CAMTA2: variants seen among roughly 807,000 people sequenced by gnomAD.
The protein encoded by CAMTA2 is calmodulin binding transcription activator 2.
Under a neutral mutation model 135.7 loss-of-function variants are expected in CAMTA2, and 56 were observed. The ratio of observed to expected loss-of-function variants is 0.41; its 90% CI spans 0.33 to 0.52. The LOEUF is 0.52. Ranked by LOEUF, CAMTA2 falls within the 20% of genes least tolerant of loss-of-function variation. The pLI is 0.16. For missense variants in CAMTA2, 1,358 were observed against 1,553.4 expected (o/e 0.87, Z 2.11); for synonymous variants, 591 against 604.6 (o/e 0.98, Z 0.33).
intron 15 of CAMTA2, 29 bp downstream of exon 15, chr17:4,972,738 CCT>C (rs748642752): frequency 5.6e-6 from 9 of 1,595,238 alleles, no homozygotes; most frequent in Admixed American, 1.7e-5. Flanking sequence ...TACCTACATC[CCT>C]CTCTCCAAAA....
At position 4,969,815 on chromosome 17, in the gene CAMTA2, A is replaced by G; in HGVS notation, c.3189+87T>C. 2 of 1,590,358 alleles carry G rather than the reference A, an allele frequency of 1.3e-6. No homozygotes were observed. The highest frequency in any genetic ancestry group is 1.7e-6 in the Non-Finnish European group (2 of 1,161,346). ...TTTACCCCATCCAAGGCCTGTCTGCACGACTACTCATCCTCCAAAAGCCCT... is the reference window on the plus strand; with the variant it reads ...TTTACCCCATCCAAGGCCTGTCTGCGCGACTACTCATCCTCCAAAAGCCCT... On this transcript the variant is annotated intron_variant, in intron 18 of 22. Transcript: ENST00000348066. The surrounding 1 kb of genome is among the most constrained non-coding windows in gnomAD (Gnocchi z 5.6).
Position 4,967,998 on chromosome 17 carries a change from G to A in CAMTA2, c.*758C>T. The A allele has an allele frequency of 1.7e-6, 1 of 586,180 alleles. No individual in the cohort carries two copies. Among genetic ancestry groups the A allele is most frequent in the Non-Finnish European group, 3.0e-6 (1 of 328,394 alleles). 36.3% of individuals were successfully genotyped at this position (586,180 alleles called of 1,614,324 possible). A position where few individuals can be genotyped will look rare whatever the true frequency, so the allele number is the denominator to read the frequency against. The stretch of plus-strand genomic sequence containing the variant: ...CGCAGACAGAGGCCGGAGGCTGGCT[G>A]GTGCAGCGATGTTTAATGGCAATTC... On this transcript the variant is annotated 3_prime_UTR_variant, in exon 23 of 23. Transcript: ENST00000348066.
Position 4,969,957 on chromosome 17 carries a change from T to C in CAMTA2, c.3134A>G (p.Gln1045Arg). 6.2e-7 allele frequency: 1 copy of C among 1,614,124 alleles called. No individual in the cohort carries two copies. Among genetic ancestry groups the C allele is most frequent in the Non-Finnish European group, 8.5e-7 (1 of 1,180,010 alleles). Reference sequence around the variant, plus strand: ...TCGGGCAGCCTCATACAGTTCCCGCTGCTCGTGATCTGATAGTGTCAGCAG... The same window carrying C: ...TCGGGCAGCCTCATACAGTTCCCGCCGCTCGTGATCTGATAGTGTCAGCAG... The part of the protein sequence containing the change: ...FALLTLSDHE[Q>R]RELYEAARVI... The change falls in exon 18 of 23, where the codon CAG becomes CGG. Residue 1045 changes from glutamine (Q) to arginine (R), a missense_variant. Physicochemically the swap from Gln to Arg is conservative, Grantham distance 43. Coordinates refer to ENST00000348066, the MANE Select transcript of CAMTA2 (RefSeq NM_015099.4). The surrounding 1 kb of genome is among the most constrained non-coding windows in gnomAD (Gnocchi z 5.6).
chr17:4,968,109 C>T lies in CAMTA2; in HGVS notation c.*647G>A, dbSNP rs1343598172. 3.2e-5 allele frequency: 15 copies of T among 467,718 alleles called. No individual in the cohort carries two copies. Among genetic ancestry groups the T allele is most frequent in the Non-Finnish European group, 5.8e-5 (15 of 258,688 alleles). The allele number at this position is 467,718 out of a possible 1,614,324, so 29.0% of individuals were successfully genotyped here. On this transcript the variant is annotated 3_prime_UTR_variant, in exon 23 of 23. Coordinates refer to ENST00000348066, the MANE Select transcript of CAMTA2 (RefSeq NM_015099.4). ...CGCGCTAGAGAACCACAAGCCCGGC[C>T]GTGCAGCCCTCCCCGCGGCGCCTTA...
intron 2 of CAMTA2, 85 bp from the exon 3 acceptor site, chr17:4,986,068 C>A: frequency 8.5e-7 from 1 of 1,170,012 alleles, no homozygotes; most frequent in East Asian, 2.3e-5. Flanking sequence ...GAAGGCAATA[C>A]AGAGCACTGG....
chr17:4,978,324 C>T (rs1972743741), intron 10 of CAMTA2, among the ~76,000 whole-genome samples, 180 bp downstream of exon 10: 1 of 152,222 alleles, frequency 6.6e-6, no homozygotes, highest in Admixed American at 6.5e-5. Flanking sequence ...CTTCTGACAC[C>T]TAAGTCTGGG....
At position 4,968,893 on chromosome 17, in the gene CAMTA2, G is replaced by A. The variant is rs1361062755; in HGVS notation, c.3545+14C>T. ...GTGGCAACGCAAAAGCCCAGGGGGA[G>A]AAGGGATGAGTACCTGTGTCGGCAG... On this transcript the variant is annotated intron_variant, in intron 22 of 22. Transcript: ENST00000348066. The A allele has an allele frequency of 1.2e-6, 2 of 1,613,988 alleles. No homozygotes were observed. The highest frequency in any genetic ancestry group is 8.5e-7 in the Non-Finnish European group (1 of 1,179,838).
At chr17:4,976,335 T>C (rs539137403) in intron 11 of CAMTA2, among the ~76,000 whole-genome samples, 3 of 152,312 alleles carry the variant, frequency 2.0e-5, no homozygotes, top group African/African-American at 7.2e-5. Context: ...TTTGTGCTTT[T>C]GTGTAATTTC....
chr17:4,975,116 TC>T (rs1409029745), intron 11 of CAMTA2, among the ~76,000 whole-genome samples: 1 of 151,012 alleles, frequency 6.6e-6, no homozygotes, highest in South Asian at 2.1e-4. Context: ...TACACACATA[TC>T]CCCCCAAGCT....
rs1331428943 is a variant in CAMTA2, at chr17:4,972,322, G to C, written c.2718C>G (p.Pro906=). The C allele has an allele frequency of 6.2e-7, 1 of 1,613,826 alleles. No homozygotes were observed. Among genetic ancestry groups the C allele is most frequent in the Non-Finnish European group, 8.5e-7 (1 of 1,179,840 alleles). ...MDYEATNSKG[P]LSSLPALPPA... ...GTGGGAGGGCAGGAAGGGAGGAGAG[G>C]GGCCCCTTGGAGTTGGTAGCCTCAT... The change falls in exon 16 of 23, where the codon CCC becomes CCG. Residue 906 remains proline (P), a synonymous_variant. Transcript: ENST00000348066.
Position 4,968,986 on chromosome 17 carries a change from TGAAA to T in CAMTA2, c.3471-9_3471-6del. The T allele has an allele frequency of 6.2e-7, 1 of 1,613,560 alleles. No homozygotes were observed. The highest frequency in any genetic ancestry group is 8.5e-7 in the Non-Finnish European group (1 of 1,179,848). Reference sequence around the variant, plus strand: ...TTCTTGGTGAGAAAGGAGCCTCTGGTGAAAGAAACAAAAGATGGACCTCACAGAA... The same window carrying T: ...TTCTTGGTGAGAAAGGAGCCTCTGGTGAAACAAAAGATGGACCTCACAGAA... On this transcript the variant is annotated splice_polypyrimidine_tract_variant and splice_region_variant and intron_variant, in intron 21 of 22. Coordinates refer to ENST00000348066, the MANE Select transcript of CAMTA2 (RefSeq NM_015099.4).
At chr17:4,981,915 A>C (rs1597771293) in intron 6 of CAMTA2, 84 bp from the exon 7 acceptor site, 1 of 1,400,568 alleles carries the variant, frequency 7.1e-7, no homozygotes, top group Non-Finnish European at 9.7e-7. Flanking sequence ...CTTCCTGGGC[A>C]CCCTCCTAAC....
chr17:4,983,942 A>ATTAT (rs939769346), intron 3 of CAMTA2, among the ~76,000 whole-genome samples: 5 of 149,822 alleles, frequency 3.3e-5, no homozygotes, highest in African/African-American at 4.9e-5. Flanking sequence ...GGAATTTCAG[A>ATTAT]TTATTTATTT....
intron 3 of CAMTA2, chr17:4,983,671 C>T (rs1025058133): frequency 6.6e-6 from 1 of 151,912 alleles, no homozygotes; most frequent in Admixed American, 6.6e-5. Flanking sequence ...GCAACCTCCG[C>T]CCCCCAGGAT....
intron 11 of CAMTA2, among the ~76,000 whole-genome samples, chr17:4,974,895 G>A (rs1972523259): frequency 6.6e-6 from 1 of 152,146 alleles, no homozygotes; most frequent in South Asian, 2.1e-4. Context: ...CCATGGTGAA[G>A]GTGAAGGATT....
intron 11 of CAMTA2, among the ~76,000 whole-genome samples, chr17:4,975,172 C>T: frequency 6.6e-6 from 1 of 152,074 alleles, no homozygotes; most frequent in Non-Finnish European, 1.5e-5. Context: ...GAAGGGGAGG[C>T]AGGAGGGGAT....
chr17:4,982,283 C>T (rs1255154560), intron 5 of CAMTA2, 123 bp from the exon 6 acceptor site: 15 of 718,610 alleles, frequency 2.1e-5, no homozygotes, highest in Middle Eastern at 2.3e-4. Flanking sequence ...CCCCCACCCT[C>T]GCCCCCACCT....
chr17:4,969,754 C>A lies in CAMTA2; in HGVS notation c.3190-53G>T. 1 of 1,608,744 alleles carries A rather than the reference C, an allele frequency of 6.2e-7. No individual in the cohort carries two copies. The highest frequency in any genetic ancestry group is 8.5e-7 in the Non-Finnish European group (1 of 1,175,724). ...ATGACCCACATAATGGCATATCTGA[C>A]TTGTCCCTTCAACTTTCCTGGGGTT... On this transcript the variant is annotated intron_variant, in intron 18 of 22. Transcript: ENST00000348066. The surrounding 1 kb of genome is among the most constrained non-coding windows in gnomAD (Gnocchi z 5.6).
At position 4,980,283 on chromosome 17, in the gene CAMTA2, G is replaced by C; in HGVS notation, c.1039C>G (p.Gln347Glu). The change falls in exon 9 of 23, where the codon CAG (glutamine) becomes GAG (glutamate). Residue 347 changes from glutamine to glutamate, a missense_variant. Gln to Glu is a conservative substitution (Grantham distance 29). Around this residue, in one of 4 missense-constraint regions of CAMTA2, gnomAD observed 1,077 missense variants for 1,127.5 expected, o/e 0.96. Transcript: ENST00000348066. This position sits in a 1 kb window ranked among gnomAD's most constrained non-coding sequence, Gnocchi z 5.3. ...GLTPTRHLAPQADPRPSMSLA... is the reference protein window; with the variant it reads ...GLTPTRHLAPEADPRPSMSLA... ...CTCATGGAAGGCCTAGGATCAGCCT[G>C]TGGAGCCAAGTGCCTGGTGGGCGTC... 1 of 1,608,090 alleles carries C rather than the reference G, an allele frequency of 6.2e-7. No homozygotes were observed. The highest frequency in any genetic ancestry group is 8.5e-7 in the Non-Finnish European group (1 of 1,176,482).
Sources: gnomAD v4.1 joint callset for allele counts (sites outside exome capture counted in the v4.1 genomes callset) on GRCh38, gnomAD v4.1.1 for gene constraint, gnomAD v4.1.1 regional missense constraint, Gnocchi (gnomAD v3.1) non-coding constraint, MANE v1.5 for transcripts, NCBI Gene and HGNC (gene_info 2026-07-23, HGNC 2026-07-21) for gene names.